The following ELOVL6 variants were observed in gnomAD, a reference collection of about 807,000 sequenced individuals.
The protein encoded by ELOVL6 is very long chain fatty acid elongase 6.
ELOVL6 carries 8 observed loss-of-function variants against 31.7 expected under a neutral mutation model. The observed-to-expected ratio is 0.25, with a 90% confidence interval of 0.15 to 0.45. The LOEUF is 0.45. ELOVL6 is among the 20% of genes least tolerant of loss of function. ELOVL6 has a pLI of 1.00. For synonymous variants in ELOVL6, 101 were observed against 117.7 expected (o/e 0.86, Z 0.92); for missense variants, 126 against 326.4 (o/e 0.39, Z 4.73).
At chr4:110,184,333 C>G (rs191015743) in intron 1 of ELOVL6, among the ~76,000 whole-genome samples, 118 of 152,278 alleles carry the variant, frequency 7.7e-4, no homozygotes, top group Non-Finnish European at 6.2e-4. Context: ...GTGGTAAGCA[C>G]TGATTTCAGA....
intron 1 of ELOVL6, among the ~76,000 whole-genome samples, chr4:110,112,397 T>C (rs1015807474): frequency 1.3e-4 from 20 of 152,234 alleles, no homozygotes; most frequent in Non-Finnish European, 2.9e-4. Context: ...GTAGAGTTGA[T>C]GTTTGCAGCT....
chr4:110,084,432 T>TCATATATGATATATCG (rs1756141036), intron 2 of ELOVL6, among the ~76,000 whole-genome samples: 1 of 120,282 alleles, frequency 8.3e-6, no homozygotes, highest in Non-Finnish European at 1.7e-5. Flanking sequence ...ATCACATATA[T>TCATATATGATATATCG]CATATATGAT....
At chr4:110,124,523 A>C (rs1757441638) in intron 1 of ELOVL6, among the ~76,000 whole-genome samples, 1 of 152,118 alleles carries the variant, frequency 6.6e-6, no homozygotes, top group Non-Finnish European at 1.5e-5. Context: ...CATGGACACG[A>C]GGAAGGGAAC....
intron 1 of ELOVL6, among the ~76,000 whole-genome samples, chr4:110,134,281 CTG>C (rs1466973796): frequency 6.6e-6 from 1 of 152,120 alleles, no homozygotes; most frequent in East Asian, 1.9e-4. Flanking sequence ...TAATTGATGT[CTG>C]TTTCTGATCC....
At chr4:110,150,172 A>T in intron 1 of ELOVL6, among the ~76,000 whole-genome samples, 1 of 152,160 alleles carries the variant, frequency 6.6e-6, no homozygotes, top group East Asian at 1.9e-4. Context: ...TCGGCCTCCC[A>T]AAGTGCTGGA....
At chr4:110,075,844 G>A (rs956741223) in intron 2 of ELOVL6, among the ~76,000 whole-genome samples, 1 of 152,132 alleles carries the variant, frequency 6.6e-6, no homozygotes, top group African/African-American at 2.4e-5. Context: ...ATTCCTTAAA[G>A]AATCACTTCC....
intron 1 of ELOVL6, among the ~76,000 whole-genome samples, chr4:110,170,326 C>A (rs1284606654): frequency 6.6e-6 from 1 of 152,180 alleles, no homozygotes; most frequent in East Asian, 1.9e-4. Flanking sequence ...AAGGCTTGAA[C>A]TTTGCATGTT....
intron 3 of ELOVL6, among the ~76,000 whole-genome samples, chr4:110,052,504 T>C (rs1754861492): frequency 6.6e-6 from 1 of 152,228 alleles, no homozygotes; most frequent in Admixed American, 6.5e-5. Flanking sequence ...ACAGTTTTCA[T>C]TTTACAGAAT....
At chr4:110,150,242 A>G (rs979430323) in intron 1 of ELOVL6, among the ~76,000 whole-genome samples, 1 of 152,150 alleles carries the variant, frequency 6.6e-6, no homozygotes, top group African/African-American at 2.4e-5. Context: ...TAATCCTGAA[A>G]ATGCATTCAG....
At position 110,047,146 on chromosome 4, in the gene ELOVL6, CATG is replaced by C. The variant is rs1197274357; in HGVS notation, c.*4189_*4191del. 2.0e-5 allele frequency: 3 copies of C among 152,102 alleles called. No individual in the cohort carries two copies. Among genetic ancestry groups the C allele is most frequent in the South Asian group, 4.1e-4 (2 of 4,822 alleles). The allele number at this position is 152,102 out of a possible 1,614,324, so 9.4% of individuals were successfully genotyped here. On this transcript the variant is annotated 3_prime_UTR_variant, in exon 4 of 4. Transcript: ENST00000302274. ...ATTCTGGGTGCTTATAAAATTTTGACATGATATTATTTTTCATGATGGAAACTT... is the reference window on the plus strand; with the variant it reads ...ATTCTGGGTGCTTATAAAATTTTGACATATTATTTTTCATGATGGAAACTT...
chr4:110,089,475 C>T (rs989271665), intron 2 of ELOVL6, among the ~76,000 whole-genome samples: 1 of 152,078 alleles, frequency 6.6e-6, no homozygotes, highest in African/African-American at 2.4e-5. Flanking sequence ...AGACCCAATC[C>T]CCTATGTATA....
At chr4:110,062,873 A>G (rs1191222584) in intron 2 of ELOVL6, among the ~76,000 whole-genome samples, 2 of 152,138 alleles carry the variant, frequency 1.3e-5, no homozygotes, top group Non-Finnish European at 2.9e-5. Flanking sequence ...TTACTGAAGT[A>G]TTTTTTCCTC....
intron 1 of ELOVL6, among the ~76,000 whole-genome samples, chr4:110,153,746 GT>G (rs1239731245): frequency 6.6e-6 from 1 of 152,138 alleles, no homozygotes; most frequent in Non-Finnish European, 1.5e-5. Context: ...TTTAAGAGTG[GT>G]TTTGCAGATT....
intron 1 of ELOVL6, among the ~76,000 whole-genome samples, chr4:110,127,236 G>A (rs1027272052): frequency 1.3e-4 from 20 of 151,766 alleles, no homozygotes; most frequent in Admixed American, 3.9e-4. Flanking sequence ...GTGAAACCCT[G>A]TCTCTACTAA....
At chr4:110,160,132 A>G (rs62326604) in intron 1 of ELOVL6, among the ~76,000 whole-genome samples, 6,705 of 152,168 alleles carry the variant, frequency 0.044, 212 homozygotes, top group South Asian at 0.11. Flanking sequence ...ACACACACAC[A>G]AACACTATTG....
At chr4:110,107,102 C>T (rs766072895) in intron 1 of ELOVL6, among the ~76,000 whole-genome samples, 2 of 152,158 alleles carry the variant, frequency 1.3e-5, no homozygotes, top group Non-Finnish European at 2.9e-5. Context: ...TAAAATGCTT[C>T]GTGTTTTCTC....
chr4:110,145,720 A>G (rs1472614011), intron 1 of ELOVL6, among the ~76,000 whole-genome samples: 2 of 152,024 alleles, frequency 1.3e-5, no homozygotes, highest in Admixed American at 1.3e-4. Flanking sequence ...CACAAAACAA[A>G]GAAACCACCG....
intron 1 of ELOVL6, among the ~76,000 whole-genome samples, chr4:110,131,741 T>G (rs1481154477): frequency 6.6e-6 from 1 of 152,180 alleles, no homozygotes; most frequent in Admixed American, 6.5e-5. Flanking sequence ...CAGGAGGACC[T>G]GGGGACCTCA....
At chr4:110,167,002 C>A (rs763244316) in intron 1 of ELOVL6, among the ~76,000 whole-genome samples, 5 of 152,188 alleles carry the variant, frequency 3.3e-5, no homozygotes, top group Non-Finnish European at 5.9e-5. Context: ...TGTCTGTCTG[C>A]CAATGCTAGG....
Sources: gnomAD v4.1 joint callset for allele counts (sites outside exome capture counted in the v4.1 genomes callset) on GRCh38, gnomAD v4.1.1 for gene constraint, MANE v1.5 for transcripts, NCBI Gene and HGNC (gene_info 2026-07-23, HGNC 2026-07-21) for gene names.